The following ADAMTS6 variants were observed in gnomAD, a reference collection of about 807,000 sequenced individuals.
The protein encoded by ADAMTS6 is ADAM metallopeptidase with thrombospondin type 1 motif 6.
A neutral mutation model predicts 144.3 loss-of-function variants in ADAMTS6; 23 were observed. The observed-to-expected ratio is 0.16, with a 90% CI of 0.11 to 0.23. ADAMTS6 has a LOEUF of 0.23. Ranked by LOEUF, ADAMTS6 falls within the 10% of genes least tolerant of loss-of-function variation. ADAMTS6 has a pLI of 1.00. For synonymous variants in ADAMTS6, 444 were observed against 457.5 expected (o/e 0.97, Z 0.38); for missense variants, 999 against 1,379.6 (o/e 0.72, Z 4.37).
intron 14 of ADAMTS6, among the ~76,000 whole-genome samples, chr5:65,254,288 C>T (rs1760466954): frequency 6.6e-6 from 1 of 152,040 alleles, no homozygotes; most frequent in African/African-American, 2.4e-5. Flanking sequence ...CATGAAAAAT[C>T]TCTTTCCGCA....
chr5:65,205,786 T>C (rs567537832), intron 20 of ADAMTS6, among the ~76,000 whole-genome samples: 9 of 152,222 alleles, frequency 5.9e-5, no homozygotes, highest in African/African-American at 1.4e-4. Flanking sequence ...CCTTTAAATA[T>C]ATAGTTCCTT....
chr5:65,429,685 CAGA>C (rs1756844000), intron 7 of ADAMTS6, among the ~76,000 whole-genome samples: 1 of 151,922 alleles, frequency 6.6e-6, no homozygotes, highest in African/African-American at 2.4e-5. Flanking sequence ...AACATTTAAT[CAGA>C]AGAAGCCAAC....
At chr5:65,162,822 C>T (rs1483379401) in intron 24 of ADAMTS6, among the ~76,000 whole-genome samples, 1 of 152,144 alleles carries the variant, frequency 6.6e-6, no homozygotes, top group Non-Finnish European at 1.5e-5. Context: ...AAGAGAACCC[C>T]AAACTCATGT....
At chr5:65,261,964 G>A (rs1761235092) in intron 13 of ADAMTS6, among the ~76,000 whole-genome samples, 2 of 150,864 alleles carry the variant, frequency 1.3e-5, no homozygotes, top group Non-Finnish European at 3.0e-5. Context: ...AAAAGGAAAA[G>A]CCGTTATCAT....
chr5:65,424,126 CT>C (rs1756306649), intron 7 of ADAMTS6, among the ~76,000 whole-genome samples: 1 of 152,120 alleles, frequency 6.6e-6, no homozygotes, highest in African/African-American at 2.4e-5. Context: ...TTTTTCTTTT[CT>C]TTTTCCTTGA....
intron 14 of ADAMTS6, among the ~76,000 whole-genome samples, chr5:65,253,890 C>T (rs1257262119): frequency 3.2e-5 from 4 of 125,318 alleles, no homozygotes; most frequent in East Asian, 2.5e-4. Context: ...TGCAGTGATG[C>T]GATCTCGGCT....
In ADAMTS6 at chr5:65,470,807, T is replaced by C. The variant is rs756627211; in HGVS notation, c.433A>G (p.Lys145Glu). The change falls in exon 3 of 25, where the codon AAA (lysine) becomes GAA (glutamate). Residue 145 changes from lysine to glutamate, a missense_variant. Coordinates refer to ENST00000381055, the MANE Select transcript of ADAMTS6 (RefSeq NM_197941.4). ...GYLQDQRSTT[K>E]VALSNCVGLH... ...CCAACACAGTTGCTTAAAGCCACTT[T>C]AGTTGTACTACGTTGATCTTGCAAA... 1.5e-5 allele frequency: 24 copies of C among 1,597,506 alleles called. No homozygotes were observed. In the East Asian group the frequency reaches 3.6e-4, roughly 24 times the overall value.
chr5:65,220,754 A>G (rs1757267647), intron 18 of ADAMTS6, among the ~76,000 whole-genome samples: 1 of 152,196 alleles, frequency 6.6e-6, no homozygotes, highest in Admixed American at 6.5e-5. Flanking sequence ...CTCAAAAAAA[A>G]AAGAAGAGTG....
chr5:65,425,879 T>C (rs1432041941), intron 7 of ADAMTS6, among the ~76,000 whole-genome samples: 1 of 151,826 alleles, frequency 6.6e-6, no homozygotes, highest in Non-Finnish European at 1.5e-5. Context: ...TTCTCCTGCC[T>C]CAGCCTCCCG....
In ADAMTS6 at chr5:65,460,154, C is replaced by G. The variant is rs1580760379; in HGVS notation, c.631+16G>C. The G allele has an allele frequency of 6.2e-7, 1 of 1,612,970 alleles. No individual in the cohort carries two copies. ...TCCAGTACAATACGCTTTGTAAAAG[C>G]TGCACACTCACTCACCCGAAACCCC... is the stretch of plus-strand genomic sequence containing the variant. On this transcript the variant is annotated intron_variant, in intron 4 of 24. Coordinates refer to ENST00000381055, the MANE Select transcript of ADAMTS6 (RefSeq NM_197941.4).
chr5:65,323,020 C>A (rs115992298), intron 9 of ADAMTS6, among the ~76,000 whole-genome samples: 1,651 of 152,032 alleles, frequency 0.011, 33 homozygotes, highest in African/African-American at 0.038. Flanking sequence ...GTGACTTAAC[C>A]CATTTTATAA....
At chr5:65,300,613 A>G (rs1743266337) in intron 9 of ADAMTS6, among the ~76,000 whole-genome samples, 1 of 151,868 alleles carries the variant, frequency 6.6e-6, no homozygotes, top group African/African-American at 2.4e-5. Context: ...TAGGCCAAAT[A>G]CATAAGTCCT....
chr5:65,193,304 G>A (rs762769151), intron 21 of ADAMTS6, among the ~76,000 whole-genome samples: 1 of 151,812 alleles, frequency 6.6e-6, no homozygotes, highest in Non-Finnish European at 1.5e-5. Context: ...AAAATATTCA[G>A]AACACAGATA....
At chr5:65,276,577 G>T (rs185271314) in intron 11 of ADAMTS6, among the ~76,000 whole-genome samples, 206 of 152,286 alleles carry the variant, frequency 1.4e-3, no homozygotes, top group African/African-American at 4.7e-3. Context: ...AAATGAACTT[G>T]AGATCAATTC....
At chr5:65,212,188 G>T (rs1171548033) in intron 20 of ADAMTS6, among the ~76,000 whole-genome samples, 2 of 152,162 alleles carry the variant, frequency 1.3e-5, no homozygotes, top group Admixed American at 6.5e-5. Context: ...CTGCTGGCGG[G>T]ACCAGACTTT....
At chr5:65,400,296 G>A (rs1313544371) in intron 7 of ADAMTS6, among the ~76,000 whole-genome samples, 2 of 151,980 alleles carry the variant, frequency 1.3e-5, no homozygotes, top group East Asian at 1.9e-4. Flanking sequence ...TCAAATTCCT[G>A]AGCTCATGAG....
intron 15 of ADAMTS6, among the ~76,000 whole-genome samples, chr5:65,230,690 C>A (rs868310071): frequency 7.5e-5 from 4 of 53,168 alleles, no homozygotes; most frequent in Admixed American, 2.3e-4. Context: ...ATATATATAA[C>A]ACATATGTAT....
intron 10 of ADAMTS6, among the ~76,000 whole-genome samples, chr5:65,294,916 T>G (rs549491614): frequency 1.3e-5 from 2 of 152,234 alleles, no homozygotes; most frequent in African/African-American, 4.8e-5. Context: ...ACTGTCTAAT[T>G]ATTCATCTGC....
chr5:65,313,970 T>TA (rs1179626376), intron 9 of ADAMTS6, among the ~76,000 whole-genome samples: 5 of 151,606 alleles, frequency 3.3e-5, no homozygotes, highest in East Asian at 1.9e-4. Flanking sequence ...AGCTTTCAGT[T>TA]AAAAAAAATA....
Sources: allele counts gnomAD v4.1 joint callset (sites outside exome capture counted in the v4.1 genomes callset), GRCh38; gene constraint gnomAD v4.1.1; transcripts MANE v1.5; gene names NCBI Gene and HGNC (gene_info 2026-07-23, HGNC 2026-07-21).